VRK2: variants seen among roughly 807,000 people sequenced by gnomAD.
The protein encoded by VRK2 is VRK serine/threonine kinase 2.
A neutral mutation model predicts 57.6 loss-of-function variants in VRK2; 60 were observed. The observed-to-expected ratio is 1.04, with a 90% confidence interval of 0.85 to 1.29. The LOEUF is 1.29. VRK2 is among the 50% of genes most tolerant of loss of function. The probability of loss-of-function intolerance (pLI) is 0.00; values close to 1 mark genes in which losing one functional copy is unlikely to be tolerated. For missense variants in VRK2, 705 were observed against 588.1 expected (o/e 1.20, Z -2.06); for synonymous variants, 231 against 199.2 (o/e 1.16, Z -1.35).
intron 12 of VRK2, among the ~76,000 whole-genome samples, chr2:58,149,371 A>G (rs1001941004): frequency 3.3e-5 from 5 of 151,720 alleles, no homozygotes; most frequent in African/African-American, 4.8e-5. Flanking sequence ...TTGATATACA[A>G]TATAATCATG....
At chr2:57,999,299 T>C (rs1359799933) in intron 1 of VRK2, among the ~76,000 whole-genome samples, 1 of 152,208 alleles carries the variant, frequency 6.6e-6, no homozygotes, top group Non-Finnish European at 1.5e-5. Flanking sequence ...CCTTCTTTGT[T>C]TGTGTTTACT....
At chr2:57,972,310 T>A (rs1008178943) in intron 1 of VRK2, among the ~76,000 whole-genome samples, 1 of 151,838 alleles carries the variant, frequency 6.6e-6, no homozygotes, top group African/African-American at 2.4e-5. Flanking sequence ...CTCCAATGTA[T>A]AATTTCAGAC....
chr2:57,974,837 A>T (rs1255012820), intron 1 of VRK2, among the ~76,000 whole-genome samples: 2 of 151,918 alleles, frequency 1.3e-5, no homozygotes, highest in African/African-American at 4.8e-5. Flanking sequence ...TAAAACAGCC[A>T]ACCCTTACTT....
chr2:58,095,451 A>T (rs1484977671), intron 7 of VRK2, among the ~76,000 whole-genome samples: 1 of 152,176 alleles, frequency 6.6e-6, no homozygotes, highest in East Asian at 1.9e-4. Flanking sequence ...TTAGGTCATT[A>T]GGATTATTTT....
intron 7 of VRK2, among the ~76,000 whole-genome samples, chr2:58,102,777 A>G (rs1200536365): frequency 6.6e-6 from 1 of 151,670 alleles, no homozygotes; most frequent in Non-Finnish European, 1.5e-5. Flanking sequence ...GAGCTGCAGA[A>G]TATACATTTT....
In VRK2 at chr2:57,916,401, G is replaced by A. The variant is rs146893935; in HGVS notation, c.-439+8562G>A. On this transcript the variant is annotated intron_variant, in intron 1 of 15. Transcript: ENST00000417641. ...AGCCTGGCAACAAGAGCAAAACTTC[G>A]TCTCAGAGAAAAAAAAAAAAAAAGA... is the stretch of plus-strand genomic sequence containing the variant. 5.1e-3 allele frequency among the ~76,000 whole-genome samples: 586 copies of A among 115,272 alleles called. 5 individuals are homozygous for A. Among genetic ancestry groups the A allele is most frequent in the African/African-American group, 0.019 (549 of 28,346 alleles). 75.6% of individuals were successfully genotyped at this position (115,272 alleles called of 152,430 possible).
intron 1 of VRK2, among the ~76,000 whole-genome samples, chr2:57,976,627 T>C (rs1009035997): frequency 1.3e-5 from 2 of 152,154 alleles, no homozygotes; most frequent in African/African-American, 4.8e-5. Context: ...TAGATCTTTG[T>C]CGCATTCATA....
intron 1 of VRK2, among the ~76,000 whole-genome samples, chr2:57,936,221 T>A (rs1332233086): frequency 6.6e-6 from 1 of 152,236 alleles, no homozygotes; most frequent in Non-Finnish European, 1.5e-5. Flanking sequence ...ACTGTCCAGC[T>A]TACTTGCAAT....
intron 1 of VRK2, among the ~76,000 whole-genome samples, chr2:58,017,229 T>G (rs1426944937): frequency 6.6e-6 from 1 of 152,162 alleles, no homozygotes; most frequent in Non-Finnish European, 1.5e-5. Flanking sequence ...ACTAATCTCC[T>G]TGGTAACCTG....
chr2:58,135,859 A>T (rs1038495117), intron 10 of VRK2, among the ~76,000 whole-genome samples: 1 of 152,198 alleles, frequency 6.6e-6, no homozygotes, highest in Admixed American at 6.5e-5. Context: ...ATGTTATTCA[A>T]CACTAATTTA....
At chr2:58,135,781 A>C (rs1408778066) in intron 10 of VRK2, among the ~76,000 whole-genome samples, 1 of 152,192 alleles carries the variant, frequency 6.6e-6, no homozygotes, top group African/African-American at 2.4e-5. Context: ...TTATCAATAC[A>C]TATTGTATAA....
At chr2:58,044,541 A>G (rs1674597406), upstream of VRK2, among the ~76,000 whole-genome samples, 1 of 152,178 alleles carries the variant, frequency 6.6e-6, no homozygotes, top group Non-Finnish European at 1.5e-5. Context: ...TAAATAATAA[A>G]CTGTATAATA....
In VRK2 at chr2:58,159,480, T is replaced by C. The variant is rs763401780; in HGVS notation, c.1314T>C (p.Ser438=). ...ATGAGCCTCATCAAGATTTTACCAG[T>C]CCAGATATATTCAAGAAGTCAAGAT... ...SFYEPHQDFT[S]PDIFKKSRSP... The change falls in exon 13 of 13, where the codon AGT becomes AGC. Residue 438 remains serine, a synonymous_variant. Transcript: ENST00000340157. 1 of 1,613,666 alleles carries C rather than the reference T, an allele frequency of 6.2e-7. No individual in the cohort carries two copies. The highest frequency in any genetic ancestry group is 8.5e-7 in the Non-Finnish European group (1 of 1,179,766).
At chr2:57,977,040 C>G (rs1199281842) in intron 1 of VRK2, among the ~76,000 whole-genome samples, 3 of 151,952 alleles carry the variant, frequency 2.0e-5, no homozygotes, top group Non-Finnish European at 4.4e-5. Flanking sequence ...GTGGCTTTAT[C>G]TCTTGGTTCT....
intron 1 of VRK2, among the ~76,000 whole-genome samples, chr2:58,002,206 C>T (rs899619560): frequency 3.9e-5 from 6 of 151,960 alleles, no homozygotes; most frequent in African/African-American, 7.3e-5. Context: ...AAAGGCTGGG[C>T]GTGGTGGTTC....
At chr2:58,150,343 T>C (rs1018879995) in intron 12 of VRK2, among the ~76,000 whole-genome samples, 4 of 151,442 alleles carry the variant, frequency 2.6e-5, no homozygotes, top group Admixed American at 2.0e-4. Context: ...ATTTGTATTT[T>C]TCAAAGAATT....
upstream of VRK2, chr2:58,046,724 G>A: frequency 2.0e-6 from 2 of 985,570 alleles, no homozygotes; most frequent in South Asian, 9.4e-5. Context: ...CGCAGCTGGA[G>A]AGAAGTTAGG....
At chr2:58,096,460 T>A (rs191180851) in intron 7 of VRK2, among the ~76,000 whole-genome samples, 137 of 152,144 alleles carry the variant, frequency 9.0e-4, no homozygotes, top group Non-Finnish European at 1.3e-3. Flanking sequence ...TCTATTTGAG[T>A]GTCTGTTTTA....
At chr2:58,028,653 G>C (rs2103689924) in intron 2 of VRK2, among the ~76,000 whole-genome samples, 1 of 151,234 alleles carries the variant, frequency 6.6e-6, no homozygotes, top group South Asian at 2.1e-4. Flanking sequence ...ACCAAACACT[G>C]CATGTTCTCA....
Sources: allele counts gnomAD v4.1 joint callset (sites outside exome capture counted in the v4.1 genomes callset), GRCh38; gene constraint gnomAD v4.1.1; transcripts MANE v1.5; gene names NCBI Gene and HGNC (gene_info 2026-07-23, HGNC 2026-07-21).